The following GPN2 variants were observed in gnomAD, a reference collection of about 807,000 sequenced individuals.
The protein encoded by GPN2 is ATP-binding domain 1 family member B.
A neutral mutation model predicts 30.1 loss-of-function variants in GPN2; 27 were observed. That is an observed-to-expected ratio of 0.90 (90% CI 0.66 to 1.24). GPN2 has a LOEUF of 1.24. Ranked by LOEUF, GPN2 falls within the 50% of genes most tolerant of loss-of-function variation. The pLI is 0.00. For missense variants in GPN2, 406 were observed against 405.4 expected (o/e 1.00, Z -0.01); for synonymous variants, 212 against 174.4 (o/e 1.22, Z -1.70).
Position 26,884,222 on chromosome 1 carries a change from T to C in GPN2, c.798A>G (p.Gln266=), listed in dbSNP as rs759598322. 1 of 1,614,010 alleles carries C rather than the reference T, an allele frequency of 6.2e-7. No individual in the cohort carries two copies. The highest frequency in any genetic ancestry group is 2.2e-5 in the East Asian group (1 of 44,886). The stretch of plus-strand genomic sequence containing the variant: ...TCATGGCTTCCAAGCTTCGCTGCTC[T>C]TGGGCTCTGAAACAGTATCCATTGG... ...DKANGYCFRA[Q]EQRSLEAMMS... Residue 266 remains glutamine (Q), a synonymous_variant, in exon 4 of 5, where the codon CAA becomes CAG. Transcript: ENST00000374135.
intron 3 of GPN2, among the ~76,000 whole-genome samples, chr1:26,884,924 G>A (rs1373347771): frequency 6.6e-6 from 1 of 152,168 alleles, no homozygotes; most frequent in Non-Finnish European, 1.5e-5. Context: ...AGAGGTTGCA[G>A]TGAGCCAAGA....
At chr1:26,884,664 A>T (rs2081882079) in intron 3 of GPN2, among the ~76,000 whole-genome samples, 1 of 152,208 alleles carries the variant, frequency 6.6e-6, no homozygotes, top group Non-Finnish European at 1.5e-5. Flanking sequence ...TTAAGTAGAC[A>T]TCCAATGAAT....
intron 1 of GPN2, 130 bp downstream of exon 1, chr1:26,889,556 T>A: frequency 3.6e-6 from 3 of 830,602 alleles, no homozygotes; most frequent in Non-Finnish European, 3.9e-6. Flanking sequence ...AGCCAGATTC[T>A]GAACTCATGC....
rs2081843024 is a variant in GPN2 at position 26,877,530 on chromosome 1, CAAT to C, written c.*2144_*2146del. 1 of 152,196 alleles carries C rather than the reference CAAT, an allele frequency of 6.6e-6. No individual in the cohort carries two copies. Among genetic ancestry groups the C allele is most frequent in the African/African-American group, 2.4e-5 (1 of 41,430 alleles). The allele number at this position is 152,196 out of a possible 1,614,324, so 9.4% of individuals were successfully genotyped here. On this transcript the variant is annotated 3_prime_UTR_variant, in exon 5 of 5. Coordinates refer to ENST00000374135, the MANE Select transcript of GPN2 (RefSeq NM_018066.4). Reference sequence around the variant, plus strand: ...TGGGACAAGGGCTGTGACTTCTCACCAATAAATATACCAAAGGAGGGATACTCG... The same window carrying C: ...TGGGACAAGGGCTGTGACTTCTCACCAAATATACCAAAGGAGGGATACTCG...
At chr1:26,888,015 T>A (rs1170548923) in intron 2 of GPN2, among the ~76,000 whole-genome samples, 1 of 152,002 alleles carries the variant, frequency 6.6e-6, no homozygotes, top group Admixed American at 6.6e-5. Flanking sequence ...TGCACCACCA[T>A]GCCTGGCTAC....
intron 2 of GPN2, among the ~76,000 whole-genome samples, chr1:26,887,435 C>G (rs2081896341): frequency 6.6e-6 from 1 of 152,138 alleles, no homozygotes; most frequent in Admixed American, 6.5e-5. Context: ...TGGACAAGGT[C>G]CCGACACCTC....
chr1:26,876,185 T>C lies in GPN2; in HGVS notation c.*3492A>G, dbSNP rs2081835722. On this transcript the variant is annotated 3_prime_UTR_variant, in exon 5 of 5. Coordinates refer to ENST00000374135, the MANE Select transcript of GPN2 (RefSeq NM_018066.4). ...CTTAAACAGATGACCCCATAGAAAG[T>C]TTCCGTTATGGGATTCTGGGTGACT... 6.6e-6 allele frequency: 1 copy of C among 152,054 alleles called. No homozygotes were observed. 9.4% of individuals were successfully genotyped at this position (152,054 alleles called of 1,614,324 possible). A position where few individuals can be genotyped will look rare whatever the true frequency, so the allele number is the denominator to read the frequency against.
chr1:26,887,564 A>AT (rs879518582), intron 2 of GPN2, among the ~76,000 whole-genome samples: 261 of 142,852 alleles, frequency 1.8e-3, no homozygotes, highest in Middle Eastern at 3.7e-3. Flanking sequence ...GAGAGTACTA[A>AT]TTTTTTTTTT....
At chr1:26,883,795 A>C (rs992501308) in intron 4 of GPN2, among the ~76,000 whole-genome samples, 3 of 151,888 alleles carry the variant, frequency 2.0e-5, no homozygotes, top group African/African-American at 7.2e-5. Context: ...TCAAAAAAAA[A>C]AAAGAAAAAA....
intron 4 of GPN2, among the ~76,000 whole-genome samples, chr1:26,880,940 C>T (rs2081861603): frequency 6.6e-6 from 1 of 152,226 alleles, no homozygotes; most frequent in Non-Finnish European, 1.5e-5. Flanking sequence ...CCCACCTACC[C>T]TTCAGCAAAG....
At chr1:26,884,058 A>T in intron 4 of GPN2, 102 bp downstream of exon 4, 6 of 891,000 alleles carry the variant, frequency 6.7e-6, no homozygotes, top group Non-Finnish European at 9.9e-6. Flanking sequence ...AAAAAAAAAA[A>T]GAAATTGGTC....
At chr1:26,885,141 T>C (rs1191448545) in intron 3 of GPN2, among the ~76,000 whole-genome samples, 2 of 152,088 alleles carry the variant, frequency 1.3e-5, no homozygotes, top group African/African-American at 4.8e-5. Context: ...TAAGAGGTAA[T>C]TGTTGTGATT....
chr1:26,886,551 G>A (rs1229341559), intron 2 of GPN2: 3 of 433,098 alleles, frequency 6.9e-6, no homozygotes, highest in South Asian at 1.7e-5. Context: ...TAGGCCAGGT[G>A]CGGTGGCTCA....
chr1:26,887,015 A>AG (rs1557656601), intron 2 of GPN2, among the ~76,000 whole-genome samples: 9 of 133,180 alleles, frequency 6.8e-5, no homozygotes, highest in South Asian at 2.4e-4. Flanking sequence ...AAAAAAAAAA[A>AG]GTTGCAAATA....
At chr1:26,888,718 C>T (rs1018557969) in intron 2 of GPN2, among the ~76,000 whole-genome samples, 2 of 152,230 alleles carry the variant, frequency 1.3e-5, no homozygotes, top group Non-Finnish European at 2.9e-5. Flanking sequence ...ACTTCACTCC[C>T]AAATATTCAC....
At chr1:26,886,206 T>C in intron 2 of GPN2, 73 bp from the exon 3 acceptor site, 1 of 1,061,140 alleles carries the variant, frequency 9.4e-7, no homozygotes, top group Admixed American at 2.5e-5. Flanking sequence ...TCCTTTTTCC[T>C]TTTTTCCTTT....
chr1:26,882,818 G>T lies in GPN2; in HGVS notation c.860+1342C>A, dbSNP rs185455294. Among the ~76,000 whole-genome samples the T allele has an allele frequency of 1.2e-3, 189 of 152,318 alleles. 1 individual carries two copies. Among genetic ancestry groups the T allele is most frequent in the African/African-American group, 3.8e-3 (159 of 41,572 alleles). On this transcript the variant is annotated intron_variant, in intron 4 of 4. Transcript: ENST00000374135. ...AGCTCTGGATGTCCCATGGACCCCT[G>T]AACACAGCACATCTGCCAGCTCTTG...
At chr1:26,889,207 G>T in intron 1 of GPN2, 82 bp from the exon 2 acceptor site, 2 of 1,080,172 alleles carry the variant, frequency 1.9e-6, no homozygotes, top group Non-Finnish European at 2.7e-6. Context: ...CTTGAGGACA[G>T]AGGGGAAGCT....
rs2081840561 is a variant in GPN2, at chr1:26,877,030, A to G, written c.*2647T>C. The G allele has an allele frequency of 6.6e-6, 1 of 152,176 alleles. No homozygotes were observed. Among genetic ancestry groups the G allele is most frequent in the Admixed American group, 6.5e-5 (1 of 15,270 alleles). The allele number at this position is 152,176 out of a possible 1,614,324, so 9.4% of individuals were successfully genotyped here. A position where few individuals can be genotyped will look rare whatever the true frequency, so the allele number is the denominator to read the frequency against. On this transcript the variant is annotated 3_prime_UTR_variant, in exon 5 of 5. Transcript: ENST00000374135. Reference sequence around the variant, plus strand: ...GCATAGCACCCACCCTAATGCCCTGATAAAGGATTTGTCCAGTAGCCTGGG... The same window carrying G: ...GCATAGCACCCACCCTAATGCCCTGGTAAAGGATTTGTCCAGTAGCCTGGG...
Sources: gnomAD v4.1 joint callset for allele counts (sites outside exome capture counted in the v4.1 genomes callset) on GRCh38, gnomAD v4.1.1 for gene constraint, MANE v1.5 for transcripts, NCBI Gene and HGNC (gene_info 2026-07-23, HGNC 2026-07-21) for gene names.